Variants in MEGF10 observed in about 807,000 individuals in gnomAD.
MEGF10 encodes multiple epidermal growth factor-like domains protein 10.
Under a neutral mutation model 147.5 loss-of-function variants are expected in MEGF10, and 86 were observed. The ratio of observed to expected loss-of-function variants is 0.58; its 90% CI spans 0.49 to 0.70. MEGF10 has a LOEUF of 0.70. MEGF10 is among the 30% of genes least tolerant of loss of function. The pLI is 0.00. For synonymous variants in MEGF10, 478 were observed against 525.5 expected (o/e 0.91, Z 1.24); for missense variants, 1,329 against 1,487.3 (o/e 0.89, Z 1.75).
chr5:127,405,805 A>ATAG (rs1182146122), intron 8 of MEGF10, among the ~76,000 whole-genome samples: 1 of 152,006 alleles, frequency 6.6e-6, no homozygotes, highest in Non-Finnish European at 1.5e-5. Context: ...AATTTTGTTA[A>ATAG]TAGTAGCTGC....
intron 1 of MEGF10, among the ~76,000 whole-genome samples, chr5:127,326,243 T>C (rs1761028599): frequency 1.3e-5 from 2 of 152,104 alleles, no homozygotes; most frequent in African/African-American, 2.4e-5. Context: ...GTAGGCACAC[T>C]CATTTAACTT....
chr5:127,332,128 T>C (rs937731734), intron 2 of MEGF10, among the ~76,000 whole-genome samples: 2 of 152,072 alleles, frequency 1.3e-5, no homozygotes, highest in African/African-American at 4.8e-5. Flanking sequence ...CAGTAGAAAG[T>C]ACAAAACAGT....
intron 8 of MEGF10, among the ~76,000 whole-genome samples, chr5:127,403,410 C>T (rs1021737707): frequency 6.6e-6 from 1 of 152,070 alleles, no homozygotes; most frequent in Admixed American, 6.6e-5. Context: ...GGTATCCATC[C>T]CCTCAAGTAT....
chr5:127,251,420 C>T, the MEGF10 span, among the ~76,000 whole-genome samples: 4 of 152,046 alleles, frequency 2.6e-5, no homozygotes, highest in Admixed American at 6.6e-5. Flanking sequence ...ATACTACCTA[C>T]GTCTTATGGT....
chr5:127,248,941 G>A, the MEGF10 span, among the ~76,000 whole-genome samples: 9 of 151,520 alleles, frequency 5.9e-5, no homozygotes, highest in African/African-American at 1.7e-4. Context: ...GAAACTATTT[G>A]TCCACAATAG....
intron 17 of MEGF10, among the ~76,000 whole-genome samples, chr5:127,440,138 C>A (rs116814890): frequency 6.6e-6 from 1 of 152,124 alleles, no homozygotes; most frequent in Admixed American, 6.5e-5. Context: ...AGAGACTCGC[C>A]GGTCTAAGCA....
chr5:127,284,746 T>C, the MEGF10 span, among the ~76,000 whole-genome samples: 11 of 152,302 alleles, frequency 7.2e-5, 1 homozygote, highest in Admixed American at 4.6e-4. Context: ...CCCACTTCTA[T>C]TTTTTTAAGT....
intron 5 of MEGF10, among the ~76,000 whole-genome samples, chr5:127,379,684 G>A (rs541341372): frequency 2.9e-5 from 4 of 136,746 alleles, no homozygotes; most frequent in African/African-American, 1.1e-4. Context: ...ACTGCAACCC[G>A]TGCCTCCCGG....
At chr5:127,359,937 T>A (rs1161114831) in intron 4 of MEGF10, among the ~76,000 whole-genome samples, 1 of 152,102 alleles carries the variant, frequency 6.6e-6, no homozygotes, top group East Asian at 1.9e-4. Flanking sequence ...TACAGAAGTG[T>A]TCAGAGATAC....
In MEGF10 at chr5:127,321,417, A is replaced by ATG. The variant is rs147848508; in HGVS notation, c.-18-9864_-18-9863dup. 2.0e-5 allele frequency among the ~76,000 whole-genome samples: 3 copies of ATG among 151,820 alleles called. No homozygotes were observed. In the East Asian group the frequency reaches 5.8e-4, roughly 30 times the overall value. On this transcript the variant is annotated intron_variant, in intron 1 of 24. Coordinates refer to ENST00000503335, the MANE Select transcript of MEGF10 (RefSeq NM_001256545.2). ...GAATGCTCAGGGTGTGTTTGTGTGT[A>ATG]TGTGTGTGTGTATGTGTGTGTGTGC...
chr5:127,439,746 G>A lies in MEGF10; in HGVS notation c.2234-993G>A, dbSNP rs193031171. Among the ~76,000 whole-genome samples the A allele has an allele frequency of 7.2e-5, 11 of 152,304 alleles. No individual in the cohort carries two copies. In the East Asian group the frequency reaches 1.2e-3, roughly 16 times the overall value. On this transcript the variant is annotated intron_variant, in intron 17 of 24. Coordinates refer to ENST00000503335, the MANE Select transcript of MEGF10 (RefSeq NM_001256545.2). ...CCTGTGTTTGAATCATGGCCCTGCC[G>A]TCCTGCCAGTTGCCAGCTGTGTGAC...
Position 127,436,549 on chromosome 5 carries a change from G to A in MEGF10, c.2104+1060G>A, listed in dbSNP as rs79318556. On this transcript the variant is annotated intron_variant, in intron 16 of 24. Transcript: ENST00000503335. ...CAAGGGCTCTGACTGATGGTTGGGC[G>A]TATGGGTTTGGGAAGAGTAAAAGGT... 9.6e-3 allele frequency among the ~76,000 whole-genome samples: 1,464 copies of A among 152,290 alleles called. 21 individuals are homozygous for A. The highest frequency in any genetic ancestry group is 0.031 in the African/African-American group (1,291 of 41,558).
intron 1 of MEGF10, among the ~76,000 whole-genome samples, chr5:127,304,428 C>G (rs1288403235): frequency 6.6e-6 from 1 of 152,164 alleles, no homozygotes. Flanking sequence ...CCTCTGTGCC[C>G]CTTTCCATGA....
the MEGF10 span, among the ~76,000 whole-genome samples, chr5:127,276,245 C>A: frequency 6.6e-6 from 1 of 152,214 alleles, no homozygotes; most frequent in South Asian, 2.1e-4. Flanking sequence ...AGAGCACTTG[C>A]TCTTCACCTG....
At chr5:127,277,994 C>CG in the MEGF10 span, among the ~76,000 whole-genome samples, 7 of 151,974 alleles carry the variant, frequency 4.6e-5, no homozygotes, top group Non-Finnish European at 1.0e-4. Flanking sequence ...GGCAGCTGGG[C>CG]AGAGGTCAAG....
chr5:127,439,039 T>A (rs371820736), intron 17 of MEGF10, among the ~76,000 whole-genome samples: 8 of 152,242 alleles, frequency 5.3e-5, no homozygotes, highest in South Asian at 2.1e-4. Context: ...GCTAGTTCCA[T>A]CCCCAGAAAG....
intron 1 of MEGF10, among the ~76,000 whole-genome samples, chr5:127,306,018 G>A (rs1018941031): frequency 6.6e-6 from 1 of 152,172 alleles, no homozygotes; most frequent in Non-Finnish European, 1.5e-5. Flanking sequence ...ACTTTTTCTA[G>A]AGTTCAGGTG....
At chr5:127,453,469 T>C (rs982892638) in intron 22 of MEGF10, among the ~76,000 whole-genome samples, 1 of 152,220 alleles carries the variant, frequency 6.6e-6, no homozygotes, top group African/African-American at 2.4e-5. Flanking sequence ...ACTTCATTTG[T>C]ATGGTGCTTC....
intron 18 of MEGF10, 131 bp from the exon 19 acceptor site, chr5:127,442,867 G>C (rs879692575): frequency 7.9e-6 from 7 of 888,064 alleles, no homozygotes; most frequent in East Asian, 2.7e-5. Context: ...GGACACTCTT[G>C]GGGGTACAAG....
Sources: gnomAD v4.1 joint callset for allele counts (sites outside exome capture counted in the v4.1 genomes callset) on GRCh38, gnomAD v4.1.1 for gene constraint, MANE v1.5 for transcripts, NCBI Gene and HGNC (gene_info 2026-07-23, HGNC 2026-07-21) for gene names.